Variants in CEP126 observed in about 807,000 individuals in gnomAD.
CEP126 encodes the protein centrosomal protein 126, also known as centrosomal protein of 126 kDa.
CEP126 carries 74 observed loss-of-function variants against 107.8 expected under a neutral mutation model. The ratio of observed to expected loss-of-function variants is 0.69; its 90% confidence interval spans 0.57 to 0.83. The LOEUF (loss-of-function observed/expected upper bound fraction) is 0.83, where lower values mean the gene tolerates loss of function less well. CEP126 is among the 40% of genes least tolerant of loss of function. CEP126 has a pLI of 0.00. For missense variants in CEP126, 1,237 were observed against 1,281.9 expected, an observed-to-expected ratio of 0.96 and a Z score of 0.53; for synonymous variants, 449 against 446.0, an observed-to-expected ratio of 1.01 and a Z score of -0.08.
rs1417245374 is a variant in CEP126 at position 101,960,313 on chromosome 11, G to A, written c.706-1428G>A. 3.3e-5 allele frequency among the ~76,000 whole-genome samples: 5 copies of A among 152,240 alleles called. No individual in the cohort carries two copies. In the East Asian group the frequency reaches 9.6e-4, roughly 29 times the overall value. ...CTTCTGAGGTGATTTGGGAGATGAAGCAATTACAGACCTATGCAAATGGAA... is the reference window on the plus strand; with the variant it reads ...CTTCTGAGGTGATTTGGGAGATGAAACAATTACAGACCTATGCAAATGGAA... On this transcript the variant is annotated intron_variant, in intron 5 of 10. Transcript: ENST00000263468.
rs950663873 is a variant in CEP126, at chr11:101,992,936, A to G, written c.3309+94A>G. ...AGGTAAGAACCCCGTATTAATATTA[A>G]TATTTCTTGGGATTGGTTTATAGAG... is the stretch of plus-strand genomic sequence containing the variant. On this transcript the variant is annotated intron_variant, in intron 10 of 10. Transcript: ENST00000263468. 2.5e-6 allele frequency: 3 copies of G among 1,197,212 alleles called. No homozygotes were observed. The African/African-American group carries it at 4.8e-5, about 19-fold the overall frequency. The allele number at this position is 1,197,212 out of a possible 1,614,324, so 74.2% of individuals were successfully genotyped here. A position where few individuals can be genotyped will look rare whatever the true frequency, so the allele number is the denominator to read the frequency against.
intron 4 of CEP126, among the ~76,000 whole-genome samples, chr11:101,953,983 AGTT>A (rs1374017697): frequency 6.6e-6 from 1 of 151,262 alleles, no homozygotes; most frequent in Non-Finnish European, 1.5e-5. Context: ...TTTTTCTATC[AGTT>A]GTTATACTTT....
At chr11:101,923,247 G>A (rs1396652145) in intron 2 of CEP126, among the ~76,000 whole-genome samples, 1 of 152,090 alleles carries the variant, frequency 6.6e-6, no homozygotes, top group African/African-American at 2.4e-5. Context: ...ATGAATAATG[G>A]TAGCAATATG....
intron 2 of CEP126, among the ~76,000 whole-genome samples, chr11:101,936,701 G>T (rs1940584429): frequency 6.6e-6 from 1 of 152,120 alleles, no homozygotes; most frequent in Admixed American, 6.5e-5. Flanking sequence ...GGGAATTTGG[G>T]TAGGTGCCCT....
chr11:101,970,894 T>C (rs1186107485), intron 6 of CEP126, among the ~76,000 whole-genome samples: 1 of 152,222 alleles, frequency 6.6e-6, no homozygotes, highest in Non-Finnish European at 1.5e-5. Flanking sequence ...ACTGTATAAA[T>C]TGCATAGCTA....
intron 6 of CEP126, among the ~76,000 whole-genome samples, chr11:101,968,872 T>G (rs1455787614): frequency 1.3e-5 from 2 of 152,198 alleles, no homozygotes; most frequent in Non-Finnish European, 2.9e-5. Flanking sequence ...TAGGATATGA[T>G]TCCTAAATAT....
intron 4 of CEP126, among the ~76,000 whole-genome samples, chr11:101,954,044 G>A (rs1310166352): frequency 6.7e-6 from 1 of 148,928 alleles, no homozygotes; most frequent in Non-Finnish European, 1.5e-5. Context: ...TTGTTTGTTT[G>A]TTTTGAGACA....
intron 2 of CEP126, among the ~76,000 whole-genome samples, chr11:101,929,977 T>A (rs548835113): frequency 6.7e-6 from 1 of 150,044 alleles, no homozygotes. Context: ...GTTAGGACTT[T>A]TTTTTTTTTT....
intron 5 of CEP126, 34 bp from the exon 6 acceptor site, chr11:101,961,705 TTA>T (rs747982374): frequency 2.1e-5 from 26 of 1,228,376 alleles, no homozygotes; most frequent in Non-Finnish European, 2.7e-5. Context: ...ATTTAAAAGT[TTA>T]TAAGCTATAA....
At chr11:101,976,268 C>T (rs982039846) in intron 6 of CEP126, among the ~76,000 whole-genome samples, 1 of 152,116 alleles carries the variant, frequency 6.6e-6, no homozygotes, top group African/African-American at 2.4e-5. Context: ...TAGTAATAGC[C>T]ATTCGGGCTG....
At chr11:101,930,194 C>CT (rs35425225) in intron 2 of CEP126, among the ~76,000 whole-genome samples, 95,008 of 151,556 alleles carry the variant, frequency 0.63, 31,181 homozygotes, top group East Asian at 0.92. Context: ...CCCCTTGTAT[C>CT]TCTGGTGATT....
chr11:101,956,392 T>C (rs1275790720), intron 4 of CEP126: 1 of 456,358 alleles, frequency 2.2e-6, no homozygotes, highest in South Asian at 1.5e-5. Context: ...CACATCCTGC[T>C]AGCTTGGATC....
intron 6 of CEP126, among the ~76,000 whole-genome samples, chr11:101,970,562 A>G (rs1178716203): frequency 2.0e-5 from 3 of 151,658 alleles, no homozygotes; most frequent in Non-Finnish European, 4.4e-5. Context: ...TTTTTTTTTA[A>G]GCCAAATGAT....
rs530902952 is a variant in CEP126 at position 101,933,554 on chromosome 11, A to G, written c.249-10711A>G. Among the ~76,000 whole-genome samples, 6 of 152,296 alleles carry G rather than the reference A, an allele frequency of 3.9e-5. No individual in the cohort carries two copies. The South Asian group carries it at 1.2e-3, about 32-fold the overall frequency. ...TAACTGCTGTGGGATAAAACAAGGT[A>G]ATACATAAAAAATACTTAGCACTTA... On this transcript the variant is annotated intron_variant, in intron 2 of 10. Coordinates refer to ENST00000263468, the MANE Select transcript of CEP126 (RefSeq NM_020802.4).
At position 101,962,798 on chromosome 11, in the gene CEP126, G is replaced by A. The variant is rs145378358; in HGVS notation, c.1763G>A (p.Gly588Asp). The change falls in exon 6 of 11, where the codon GGT becomes GAT. Residue 588 changes from glycine to aspartate, a missense_variant. This residue lies in a region of CEP126 where 1,134 missense variants were observed against 1,150.5 expected (regional missense o/e 0.99). Coordinates refer to ENST00000263468, the MANE Select transcript of CEP126 (RefSeq NM_020802.4). ...ILKKESKYEH[G>D]YLKALIINQS... Reference sequence around the variant, plus strand: ...AAGAAAGAATCTAAATATGAACATGGTTATCTTAAGGCATTAATTATAAAT... The same window carrying A: ...AAGAAAGAATCTAAATATGAACATGATTATCTTAAGGCATTAATTATAAAT... 8.9e-5 allele frequency: 142 copies of A among 1,602,672 alleles called. No homozygotes were observed. Among genetic ancestry groups the A allele is most frequent in the Non-Finnish European group, 1.2e-4 (138 of 1,176,356 alleles).
intron 5 of CEP126, among the ~76,000 whole-genome samples, chr11:101,959,389 A>G (rs1460553155): frequency 6.6e-6 from 1 of 152,036 alleles, no homozygotes; most frequent in Non-Finnish European, 1.5e-5. Context: ...TCTTGACCCC[A>G]TGATCCGCCC....
intron 6 of CEP126, among the ~76,000 whole-genome samples, chr11:101,975,389 C>A (rs1941181684): frequency 6.6e-6 from 1 of 152,178 alleles, no homozygotes; most frequent in Non-Finnish European, 1.5e-5. Flanking sequence ...GGTCACAATG[C>A]AAAATATATT....
chr11:101,918,346 G>A (rs1242212799), intron 1 of CEP126, among the ~76,000 whole-genome samples: 2 of 152,156 alleles, frequency 1.3e-5, no homozygotes, highest in African/African-American at 4.8e-5. Flanking sequence ...TACTTAAGAG[G>A]CTGAGGCAGG....
rs1486186303 is a variant in CEP126 at position 101,962,451 on chromosome 11, T to G, written c.1416T>G (p.Ala472=). 6.2e-7 allele frequency: 1 copy of G among 1,613,692 alleles called. No homozygotes were observed. Among genetic ancestry groups the G allele is most frequent in the African/African-American group, 1.3e-5 (1 of 74,930 alleles). ...PLVLPSNIQS[A]RPSAKNSIHI... ...TTTTGCCATCTAATATACAGTCAGCTAGACCTTCAGCAAAGAACAGTATAC... is the reference window on the plus strand; with the variant it reads ...TTTTGCCATCTAATATACAGTCAGCGAGACCTTCAGCAAAGAACAGTATAC... The change falls in exon 6 of 11, where the codon GCT becomes GCG. Residue 472 remains alanine, a synonymous_variant. Transcript: ENST00000263468.
Sources: gnomAD v4.1 joint callset for allele counts (sites outside exome capture counted in the v4.1 genomes callset) on GRCh38, gnomAD v4.1.1 for gene constraint, gnomAD v4.1.1 regional missense constraint, MANE v1.5 for transcripts, NCBI Gene and HGNC (gene_info 2026-07-23, HGNC 2026-07-21) for gene names.